The following CPAP variants were observed in gnomAD, a reference collection of about 807,000 sequenced individuals.
CPAP encodes the protein centrosome assembly and centriole elongation protein.
At chr13:24,889,365 A>C in the CPAP span, 1 of 1,612,330 alleles carries the variant, frequency 6.2e-7, no homozygotes, top group Non-Finnish European at 8.5e-7. Flanking sequence ...GGGTTCCTGA[A>C]GAAATCTGAC....
At chr13:24,885,318 TTCC>T in the CPAP span, 8 of 1,613,874 alleles carry the variant, frequency 5.0e-6, no homozygotes, top group Middle Eastern at 1.6e-4. Flanking sequence ...TGTCTTGGTC[TTCC>T]TCCTCCTCTT....
chr13:24,885,575 G>GTT, the CPAP span: 385,258 of 1,499,456 alleles, frequency 0.26, 53,296 homozygotes, highest in Non-Finnish European at 0.29. Flanking sequence ...AGTAATGTAT[G>GTT]TTTGAAGAAT....
the CPAP span, among the ~76,000 whole-genome samples, chr13:24,887,751 T>C: frequency 6.6e-6 from 1 of 152,162 alleles, no homozygotes. Flanking sequence ...CCCCAGTCCA[T>C]GGAAAAATTG....
At chr13:24,915,494 A>AT in the CPAP span, among the ~76,000 whole-genome samples, 1 of 152,156 alleles carries the variant, frequency 6.6e-6, no homozygotes, top group Non-Finnish European at 1.5e-5. Context: ...TCAATGAGGG[A>AT]TTGAGGGTAG....
At chr13:24,922,270 ACT>A in the CPAP span, among the ~76,000 whole-genome samples, 6 of 152,164 alleles carry the variant, frequency 3.9e-5, no homozygotes, top group Non-Finnish European at 7.4e-5. Flanking sequence ...ATTCAAAGCC[ACT>A]CTTAGACCGT....
the CPAP span, among the ~76,000 whole-genome samples, chr13:24,897,376 G>A: frequency 2.0e-5 from 3 of 152,204 alleles, no homozygotes; most frequent in African/African-American, 7.2e-5. Flanking sequence ...CAGGACATAA[G>A]CTACATGAGG....
chr13:24,893,006 GAA>G, the CPAP span: 1 of 705,738 alleles, frequency 1.4e-6, no homozygotes, highest in Non-Finnish European at 2.4e-6. Context: ...CATTTAAGAC[GAA>G]TGTCGTGGTT....
the CPAP span, among the ~76,000 whole-genome samples, chr13:24,919,571 C>G: frequency 6.6e-6 from 1 of 151,984 alleles, no homozygotes; most frequent in Non-Finnish European, 1.5e-5. Context: ...TAGGCATATA[C>G]CACAACACCC....
chr13:24,924,884 CAG>C, the CPAP span: 40,893 of 151,986 alleles, frequency 0.27, 5,900 homozygotes, highest in Admixed American at 0.37. Context: ...ATCTGCAAAA[CAG>C]GGGTGGATAA....
At chr13:24,908,223 A>T in the CPAP span, 1 of 795,788 alleles carries the variant, frequency 1.3e-6, no homozygotes, top group Non-Finnish European at 2.1e-6. Flanking sequence ...ACATTTTTTT[A>T]ATTAAAAGTA....
the CPAP span, chr13:24,912,604 G>C: frequency 6.2e-7 from 1 of 1,613,524 alleles, no homozygotes; most frequent in South Asian, 1.1e-5. Flanking sequence ...TTTAAAAAGT[G>C]GGTCTTTATA....
chr13:24,883,087 TACACAATAA>T, the CPAP span: 1 of 1,172,986 alleles, frequency 8.5e-7, no homozygotes, highest in Non-Finnish European at 1.3e-6. Flanking sequence ...TCCCCACACA[TACACAATAA>T]ATTAAACAGA....
chr13:24,890,211 A>G, the CPAP span, among the ~76,000 whole-genome samples: 1 of 152,226 alleles, frequency 6.6e-6, no homozygotes, highest in Non-Finnish European at 1.5e-5. Context: ...AAACATAGAC[A>G]TAACTATGGC....
the CPAP span, among the ~76,000 whole-genome samples, chr13:24,930,915 T>C: frequency 1.3e-5 from 2 of 152,238 alleles, no homozygotes; most frequent in African/African-American, 4.8e-5. Flanking sequence ...GTTGAGCTAA[T>C]TTACATCCCC....
chr13:24,885,437 G>T, the CPAP span: 1 of 1,335,576 alleles, frequency 7.5e-7, no homozygotes, highest in Non-Finnish European at 1.1e-6. Flanking sequence ...TACTTCCAAA[G>T]CCAGATTCTG....
the CPAP span, among the ~76,000 whole-genome samples, chr13:24,917,865 G>C: frequency 6.6e-6 from 1 of 152,208 alleles, no homozygotes; most frequent in African/African-American, 2.4e-5. Flanking sequence ...CTGTGAGAGA[G>C]AGGCTCTCTT....
chr13:24,913,094 G>A, the CPAP span: 1 of 1,406,546 alleles, frequency 7.1e-7, no homozygotes, highest in Non-Finnish European at 1.0e-6. Flanking sequence ...TCCAACACCT[G>A]TAGACAAAAA....
At chr13:24,906,563 T>C in the CPAP span, 1 of 1,614,242 alleles carries the variant, frequency 6.2e-7, no homozygotes, top group Non-Finnish European at 8.5e-7. Flanking sequence ...GACTTTGTTT[T>C]CAAATTTGAT....
chr13:24,891,931 G>A, the CPAP span, among the ~76,000 whole-genome samples: 4 of 152,316 alleles, frequency 2.6e-5, no homozygotes, highest in African/African-American at 7.2e-5. Context: ...GGCTCAGGCG[G>A]CCACCCAGGC....
Sources: gnomAD v4.1 joint callset for allele counts (sites outside exome capture counted in the v4.1 genomes callset) on GRCh38, gnomAD v4.1.1 for gene constraint, MANE v1.5 for transcripts, NCBI Gene and HGNC (gene_info 2026-07-23, HGNC 2026-07-21) for gene names.